The following COL4A1 variants were observed in gnomAD, a reference collection of about 807,000 sequenced individuals.
COL4A1 encodes the protein collagen alpha-1(IV) chain.
A neutral mutation model predicts 216.6 loss-of-function variants in COL4A1; 40 were observed. The observed-to-expected ratio is 0.18, with a 90% CI of 0.14 to 0.24. COL4A1 has a LOEUF of 0.24. Ranked by LOEUF, COL4A1 falls within the 10% of genes least tolerant of loss-of-function variation. The probability of loss-of-function intolerance (pLI) is 1.00; values close to 1 mark genes in which losing one functional copy is unlikely to be tolerated. For missense variants in COL4A1, 1,628 were observed against 2,196.8 expected, an observed-to-expected ratio of 0.74 and a Z score of 5.18; for synonymous variants, 839 against 810.7, an observed-to-expected ratio of 1.03 and a Z score of -0.59.
chr13:110,179,196 G>A (rs1878029954), intron 30 of COL4A1, 75 bp downstream of exon 30: 4 of 1,589,752 alleles, frequency 2.5e-6, no homozygotes, highest in African/African-American at 2.7e-5. Context: ...AAATATACTC[G>A]GTAGGGGCTC....
At chr13:110,170,840 G>A (rs1350288009) in intron 41 of COL4A1, 108 bp from the exon 42 acceptor site, 18 of 1,205,192 alleles carry the variant, frequency 1.5e-5, no homozygotes, top group Admixed American at 3.7e-5. Context: ...TGTAGGTACC[G>A]CTCAGAGGGA....
chr13:110,219,822 ATATATGTATG>A lies in COL4A1; in HGVS notation c.145-5817_145-5808del, dbSNP rs1231433666. On this transcript the variant is annotated intron_variant, in intron 2 of 51. Transcript: ENST00000375820. Reference sequence around the variant, plus strand: ...TATGTATATATGTGTATATATGTATATATATGTATGTATGTATATATGTGTATATATATGT... The same window carrying A: ...TATGTATATATGTGTATATATGTATATATGTATATATGTGTATATATATGT... Among the ~76,000 whole-genome samples, 879 of 111,540 alleles carry A rather than the reference ATATATGTATG, an allele frequency of 7.9e-3. 6 individuals carry two copies. The highest frequency in any genetic ancestry group is 0.025 in the African/African-American group (828 of 32,798). The allele number at this position is 111,540 out of a possible 152,430, so 73.2% of individuals were successfully genotyped here.
chr13:110,296,778 G>A (rs1351348804), intron 1 of COL4A1, among the ~76,000 whole-genome samples: 3 of 152,234 alleles, frequency 2.0e-5, no homozygotes, highest in Non-Finnish European at 4.4e-5. Flanking sequence ...CTGTCCATTG[G>A]TTATAAATTG....
chr13:110,154,436 G>A lies in COL4A1; in HGVS notation c.4755+847C>T, dbSNP rs373101786. Among the ~76,000 whole-genome samples the A allele has an allele frequency of 2.2e-4, 33 of 152,370 alleles. No homozygotes were observed. In the East Asian group the frequency reaches 3.3e-3, roughly 15 times the overall value. On this transcript the variant is annotated intron_variant, in intron 50 of 51. Coordinates refer to ENST00000375820, the MANE Select transcript of COL4A1 (RefSeq NM_001845.6). The stretch of plus-strand genomic sequence containing the variant: ...GCGGCACTGCCCCAGGAGGGCCTTC[G>A]TGGAGGCCACGGCCAGCCCTCGGGT...
chr13:110,271,349 G>C (rs1399188459), intron 1 of COL4A1, among the ~76,000 whole-genome samples: 1 of 152,100 alleles, frequency 6.6e-6, no homozygotes, highest in Non-Finnish European at 1.5e-5. Flanking sequence ...TACATATTAG[G>C]AGCCAAAGAA....
chr13:110,188,911 T>A (rs866761983), intron 24 of COL4A1, among the ~76,000 whole-genome samples: 27 of 152,290 alleles, frequency 1.8e-4, no homozygotes, highest in African/African-American at 6.3e-4. Flanking sequence ...CCCAATCCCA[T>A]CAAGCAGGCT....
At chr13:110,294,253 C>A (rs1192773832) in intron 1 of COL4A1, among the ~76,000 whole-genome samples, 1 of 152,204 alleles carries the variant, frequency 6.6e-6, no homozygotes, top group East Asian at 1.9e-4. Flanking sequence ...CTTTTCTCTG[C>A]CTGCCTCCAG....
chr13:110,197,795 G>T (rs1056437417), intron 21 of COL4A1, among the ~76,000 whole-genome samples: 4 of 152,192 alleles, frequency 2.6e-5, no homozygotes, highest in South Asian at 2.1e-4. Context: ...ACCCCACAGA[G>T]GATTCGTGTT....
chr13:110,256,751 G>A (rs1882593794), intron 1 of COL4A1, among the ~76,000 whole-genome samples: 2 of 151,970 alleles, frequency 1.3e-5, no homozygotes, highest in South Asian at 2.1e-4. Flanking sequence ...CGGCGGGGGG[G>A]TCTATCCGAT....
intron 2 of COL4A1, among the ~76,000 whole-genome samples, chr13:110,230,559 T>C (rs552638375): frequency 6.6e-6 from 1 of 151,626 alleles, no homozygotes; most frequent in South Asian, 2.1e-4. Flanking sequence ...GGACGGGTGG[T>C]GCACCTCCTC....
intron 1 of COL4A1, among the ~76,000 whole-genome samples, chr13:110,279,065 T>G (rs979527804): frequency 9.2e-5 from 14 of 152,206 alleles, no homozygotes; most frequent in African/African-American, 2.7e-4. Context: ...CAATTCCATA[T>G]GAAGTGTTTC....
At chr13:110,178,602 G>T (rs942141997) in intron 31 of COL4A1, among the ~76,000 whole-genome samples, 1 of 152,152 alleles carries the variant, frequency 6.6e-6, no homozygotes, top group African/African-American at 2.4e-5. Flanking sequence ...TCAATTAGTT[G>T]AAATTATCCA....
At chr13:110,219,844 GTGTATATATATGTA>G (rs1566385720) in intron 2 of COL4A1, among the ~76,000 whole-genome samples, 9,807 of 118,744 alleles carry the variant, frequency 0.083, 642 homozygotes, top group East Asian at 0.18. Context: ...ATGTATATAT[GTGTATATATATGTA>G]TATATGTGTG....
chr13:110,279,852 C>T (rs1883560931), intron 1 of COL4A1, among the ~76,000 whole-genome samples: 1 of 152,182 alleles, frequency 6.6e-6, no homozygotes, highest in Admixed American at 6.5e-5. Context: ...GCCTGTCTCC[C>T]GTGGGCCTGC....
intron 1 of COL4A1, among the ~76,000 whole-genome samples, chr13:110,258,577 T>G (rs1395584119): frequency 6.6e-6 from 1 of 152,128 alleles, no homozygotes; most frequent in East Asian, 1.9e-4. Context: ...GTAATAAATA[T>G]TTTGAATTTG....
intron 2 of COL4A1, among the ~76,000 whole-genome samples, chr13:110,227,332 ATTT>A (rs373428234): frequency 6.7e-6 from 1 of 149,876 alleles, no homozygotes; most frequent in African/African-American, 2.4e-5. Flanking sequence ...ACGTATATGG[ATTT>A]TTTTTTAAGT....
chr13:110,241,823 C>T (rs752148635), intron 2 of COL4A1, among the ~76,000 whole-genome samples: 3 of 152,202 alleles, frequency 2.0e-5, no homozygotes, highest in Non-Finnish European at 4.4e-5. Flanking sequence ...AAACCTCTGG[C>T]ATGCCGGGGA....
In COL4A1 at chr13:110,175,252, G is replaced by A. The variant is rs375787099; in HGVS notation, c.3164C>T (p.Pro1055Leu). The A allele has an allele frequency of 3.8e-5, 62 of 1,614,100 alleles. No individual in the cohort carries two copies. Among genetic ancestry groups the A allele is most frequent in the Admixed American group, 8.3e-5 (5 of 60,010 alleles). The change falls in exon 37 of 52, where the codon CCT becomes CTT. Residue 1055 changes from proline (P) to leucine (L), a missense_variant. Physicochemically the swap from Pro to Leu is moderately conservative, Grantham distance 98 (BLOSUM62 -3). Transcript: ENST00000375820. ...AKGEKGQAGP[P>L]GIGIPGLRGE... ...TCGCAGCCCTGGGATGCCTATGCCAGGTGGGCCTGCCTGCCCTTTCTCTCC... is the reference window on the plus strand; with the variant it reads ...TCGCAGCCCTGGGATGCCTATGCCAAGTGGGCCTGCCTGCCCTTTCTCTCC...
At chr13:110,158,005 C>T (rs1876868477) in intron 49 of COL4A1, among the ~76,000 whole-genome samples, 1 of 152,136 alleles carries the variant, frequency 6.6e-6, no homozygotes. Context: ...AATGAATAGT[C>T]TTTTTCTACC....
Sources: gnomAD v4.1 joint callset for allele counts (sites outside exome capture counted in the v4.1 genomes callset) on GRCh38, gnomAD v4.1.1 for gene constraint, MANE v1.5 for transcripts, NCBI Gene and HGNC (gene_info 2026-07-23, HGNC 2026-07-21) for gene names.